DOT1L: variants seen among roughly 807,000 people sequenced by gnomAD.
DOT1L encodes the protein DOT1 like histone lysine methyltransferase, also known as histone-lysine N-methyltransferase, H3 lysine-79 specific.
A neutral mutation model predicts 153.3 loss-of-function variants in DOT1L; 33 were observed. The observed-to-expected ratio is 0.22, with a 90% CI of 0.16 to 0.29. DOT1L has a LOEUF of 0.29. Among genes scored for constraint, DOT1L ranks in the 10% least tolerant of loss-of-function variants. The pLI is 1.00. For missense variants in DOT1L, 1,847 were observed against 2,119.9 expected (o/e 0.87, Z 2.53); for synonymous variants, 1,135 against 965.1 (o/e 1.18, Z -3.26).
In DOT1L at chr19:2,217,975, G is replaced by C; in HGVS notation, c.2691+57G>C. ...GCCACGTTGAGGCAAAACAGTCTGG[G>C]GTGCTCGAGACCTGGCTCACTTTGC... On this transcript the variant is annotated intron_variant, in intron 22 of 27. Coordinates refer to ENST00000398665, the MANE Select transcript of DOT1L (RefSeq NM_032482.3). This position sits in a 1 kb window ranked among gnomAD's most constrained non-coding sequence, Gnocchi z 7.3. 6.3e-7 allele frequency: 1 copy of C among 1,579,570 alleles called. No individual in the cohort carries two copies. Among genetic ancestry groups the C allele is most frequent in the Non-Finnish European group, 8.6e-7 (1 of 1,164,618 alleles).
At chr19:2,171,624 GT>G (rs1296419040) in intron 1 of DOT1L, among the ~76,000 whole-genome samples, 2 of 152,304 alleles carry the variant, frequency 1.3e-5, no homozygotes, top group Middle Eastern at 3.4e-3. Context: ...CCGCCGCCGG[GT>G]GTCGCTCCGT....
intron 27 of DOT1L, chr19:2,228,795 G>A: frequency 1.0e-6 from 1 of 985,400 alleles, no homozygotes; most frequent in Non-Finnish European, 1.2e-6. Context: ...TGTTCCCCAG[G>A]CGCCCAGCAT....
rs775727279 is a variant in DOT1L, at chr19:2,191,284, C to A, written c.493+44C>A. 5.7e-5 allele frequency: 90 copies of A among 1,580,992 alleles called. No individual in the cohort carries two copies. The South Asian group carries it at 9.5e-4, about 17-fold the overall frequency. On this transcript the variant is annotated intron_variant, in intron 5 of 27. Transcript: ENST00000398665. This position sits in a 1 kb window ranked among gnomAD's most constrained non-coding sequence, Gnocchi z 6.8. ...GCCCGGCTCCTGTGCACTTCCAGGC[C>A]ACACGCTCTGTGCCTGCCCCATGCC...
rs372609602 is a variant in DOT1L at position 2,199,984 on chromosome 19, A to G, written c.707+45A>G. On this transcript the variant is annotated intron_variant, in intron 8 of 27. Coordinates refer to ENST00000398665, the MANE Select transcript of DOT1L (RefSeq NM_032482.3). ...TGCAGGGCATGTGGGGTGTGCGCTC[A>G]CAGGCGGGCGGTGGCCATGGCACCG... 1.0e-5 allele frequency: 16 copies of G among 1,605,492 alleles called. No homozygotes were observed. In the African/African-American group the frequency reaches 2.1e-4, roughly 21 times the overall value.
Position 2,226,768 on chromosome 19 carries a change from G to A in DOT1L, c.4247G>A (p.Arg1416His), listed in dbSNP as rs2024352543. The A allele has an allele frequency of 1.3e-6, 2 of 1,568,266 alleles. No individual in the cohort carries two copies. Among genetic ancestry groups the A allele is most frequent in the Admixed American group, 1.9e-5 (1 of 53,208 alleles). ...LSGKAAKARD[R>H]EVDLKNGHNL... Reference sequence around the variant, plus strand: ...GGCAAGGCCGCCAAGGCCCGGGACCGCGAGGTCGACCTCAAGAATGGCCAC... The same window carrying A: ...GGCAAGGCCGCCAAGGCCCGGGACCACGAGGTCGACCTCAAGAATGGCCAC... The change falls in exon 27 of 28, where the codon CGC becomes CAC. Residue 1416 changes from arginine to histidine, a missense_variant. Around this residue, in one of 8 missense-constraint regions of DOT1L, gnomAD observed 934 missense variants for 825.3 expected, o/e 1.13. Coordinates refer to ENST00000398665, the MANE Select transcript of DOT1L (RefSeq NM_032482.3).
At chr19:2,206,913 G>C (rs770463736) in intron 10 of DOT1L, 116 bp downstream of exon 10, 3 of 1,079,294 alleles carry the variant, frequency 2.8e-6, no homozygotes, top group Admixed American at 3.7e-5. Flanking sequence ...ATCCTTCTGT[G>C]GGGTGGGGCT....
In DOT1L at chr19:2,217,686, T is replaced by A; in HGVS notation, c.2545-86T>A. On this transcript the variant is annotated intron_variant, in intron 21 of 27. Transcript: ENST00000398665. This position sits in a 1 kb window ranked among gnomAD's most constrained non-coding sequence, Gnocchi z 7.3. ...CGTGGGGGCCGCCTTGAGAGAGCTG[T>A]AGCAGGCCCCCGTCCTGTGGCTGTG... is the stretch of plus-strand genomic sequence containing the variant. The A allele has an allele frequency of 6.6e-7, 1 of 1,513,522 alleles. No individual in the cohort carries two copies. The highest frequency in any genetic ancestry group is 8.9e-7 in the Non-Finnish European group (1 of 1,125,088). 93.8% of individuals were successfully genotyped at this position (1,513,522 alleles called of 1,614,324 possible).
chr19:2,179,794 A>G lies in DOT1L; in HGVS notation c.82-919A>G, dbSNP rs114779881. Among the ~76,000 whole-genome samples the G allele has an allele frequency of 4.1e-3, 622 of 152,268 alleles. 2 individuals are homozygous for G. Among genetic ancestry groups the G allele is most frequent in the African/African-American group, 0.014 (581 of 41,548 alleles). ...TTCACTCCAGCCTGGGCGACAAACA[A>G]ACAAACAAACAGAAAAAAGACATGG... On this transcript the variant is annotated intron_variant, in intron 1 of 27. Coordinates refer to ENST00000398665, the MANE Select transcript of DOT1L (RefSeq NM_032482.3).
chr19:2,194,632 C>T (rs2022941553), intron 7 of DOT1L, 55 bp downstream of exon 7: 1 of 1,583,770 alleles, frequency 6.3e-7, no homozygotes, highest in African/African-American at 1.3e-5. Context: ...CCCGCTCCCA[C>T]CCTCCTGTCA....
At chr19:2,188,486 C>G (rs1253615014) in intron 3 of DOT1L, among the ~76,000 whole-genome samples, 2 of 124,180 alleles carry the variant, frequency 1.6e-5, no homozygotes, top group Non-Finnish European at 3.6e-5. Context: ...CGCCGCCCCC[C>G]CCCCCCCCAC....
chr19:2,186,249 A>G (rs915328241), intron 3 of DOT1L, among the ~76,000 whole-genome samples: 9 of 152,218 alleles, frequency 5.9e-5, no homozygotes, highest in African/African-American at 2.2e-4. Flanking sequence ...TTCCTGCCTG[A>G]GGCTGCTGGG....
intron 1 of DOT1L, among the ~76,000 whole-genome samples, chr19:2,169,535 C>T (rs144212179): frequency 1.1e-4 from 17 of 152,218 alleles, no homozygotes; most frequent in African/African-American, 3.4e-4. Context: ...GCTCTGTCTC[C>T]CAGGCTGGAG....
chr19:2,171,229 G>A (rs555102373), intron 1 of DOT1L, among the ~76,000 whole-genome samples: 2 of 152,192 alleles, frequency 1.3e-5, no homozygotes, highest in Admixed American at 1.3e-4. Flanking sequence ...TGGGGTCTAA[G>A]GTACAGCAGG....
At position 2,199,241 on chromosome 19, in the gene DOT1L, G is replaced by A. The variant is rs769199095; in HGVS notation, c.652-643G>A. On this transcript the variant is annotated intron_variant, in intron 7 of 27. Coordinates refer to ENST00000398665, the MANE Select transcript of DOT1L (RefSeq NM_032482.3). ...CAGCTGGCCTTGCTGTGAGTGTGGCGTGGAGCTGTGGGGACAGCGCTGCTG... is the reference window on the plus strand; with the variant it reads ...CAGCTGGCCTTGCTGTGAGTGTGGCATGGAGCTGTGGGGACAGCGCTGCTG... Among the ~76,000 whole-genome samples, 8 of 152,342 alleles carry A rather than the reference G, an allele frequency of 5.3e-5. No homozygotes were observed. The South Asian group carries it at 8.3e-4, about 16-fold the overall frequency.
At chr19:2,167,487 G>A (rs1047812904) in intron 1 of DOT1L, among the ~76,000 whole-genome samples, 2 of 152,202 alleles carry the variant, frequency 1.3e-5, no homozygotes, top group South Asian at 4.1e-4. Context: ...AGTGGTGGGC[G>A]GGACTGTGCC....
chr19:2,220,075 C>G lies in DOT1L; in HGVS notation c.2692-33C>G, dbSNP rs1250515125. The stretch of plus-strand genomic sequence containing the variant: ...GGTTCTGGGTCTCCTGGGGCACCTG[C>G]TGCCCCTGACACACAGGGTTTTCTC... On this transcript the variant is annotated intron_variant, in intron 22 of 27. Transcript: ENST00000398665. This position sits in a 1 kb window ranked among gnomAD's most constrained non-coding sequence, Gnocchi z 4.5. 8 of 1,560,550 alleles carry G rather than the reference C, an allele frequency of 5.1e-6. No homozygotes were observed. The highest frequency in any genetic ancestry group is 7.0e-6 in the Non-Finnish European group (8 of 1,144,244).
chr19:2,217,736 T>C lies in DOT1L; in HGVS notation c.2545-36T>C, dbSNP rs1376828738. The C allele has an allele frequency of 3.2e-6, 5 of 1,578,180 alleles. No individual in the cohort carries two copies. In the Admixed American group the frequency reaches 7.3e-5, roughly 23 times the overall value. ...GGTCCCTGTGTCCTGGAGGGGTTTG[T>C]TGACCCACGACTGGGGGTCGGGCCT... On this transcript the variant is annotated intron_variant, in intron 21 of 27. Coordinates refer to ENST00000398665, the MANE Select transcript of DOT1L (RefSeq NM_032482.3). This position sits in a 1 kb window ranked among gnomAD's most constrained non-coding sequence, Gnocchi z 7.3.
chr19:2,177,269 C>G (rs2021990472), intron 1 of DOT1L, among the ~76,000 whole-genome samples: 2 of 152,190 alleles, frequency 1.3e-5, no homozygotes, highest in African/African-American at 4.8e-5. Flanking sequence ...TGCACTCGCC[C>G]CACACACGCA....
intron 1 of DOT1L, among the ~76,000 whole-genome samples, chr19:2,168,511 G>A (rs1047438763): frequency 6.6e-6 from 1 of 152,198 alleles, no homozygotes; most frequent in Non-Finnish European, 1.5e-5. Context: ...TGAGCAGTTC[G>A]GAAGGGGTTT....
Sources: gnomAD v4.1 joint callset for allele counts (sites outside exome capture counted in the v4.1 genomes callset) on GRCh38, gnomAD v4.1.1 for gene constraint, gnomAD v4.1.1 regional missense constraint, Gnocchi (gnomAD v3.1) non-coding constraint, MANE v1.5 for transcripts, NCBI Gene and HGNC (gene_info 2026-07-23, HGNC 2026-07-21) for gene names.